The following TPM3 variants were observed in gnomAD, a reference collection of about 807,000 sequenced individuals.
TPM3 encodes tropomyosin alpha-3 chain.
A neutral mutation model predicts 43.1 loss-of-function variants in TPM3; 16 were observed. That is an observed-to-expected ratio of 0.37 (90% CI 0.25 to 0.56). The LOEUF is 0.56. TPM3 is among the 20% of genes least tolerant of loss of function. TPM3 has a pLI of 0.77. For synonymous variants in TPM3, 101 were observed against 116.9 expected (o/e 0.86, Z 0.88); for missense variants, 176 against 337.2 (o/e 0.52, Z 3.74).
At chr1:154,175,329 T>TGA (rs1662177606) in intron 3 of TPM3, among the ~76,000 whole-genome samples, 1 of 39,422 alleles carries the variant, frequency 2.5e-5, no homozygotes, top group African/African-American at 1.8e-4. Flanking sequence ...AGACTCTGTC[T>TGA]CAAAAAAAAA....
rs1660784126 is a variant in TPM3 at position 154,164,984 on chromosome 1, CATTTTAAG to C, written c.*2945_*2952del. On this transcript the variant is annotated 3_prime_UTR_variant, in exon 10 of 10. Coordinates refer to ENST00000651641, the MANE Select transcript of TPM3 (RefSeq NM_152263.4). ...AAGTAAAATTATAACTCCTCAGCCT[CATTTTAAG>C]ACACAACCTGTTCCCTACTCTGTCT... Among the ~76,000 whole-genome samples, 1 of 152,234 alleles carries C rather than the reference CATTTTAAG, an allele frequency of 6.6e-6. No homozygotes were observed. Among genetic ancestry groups the C allele is most frequent in the Non-Finnish European group, 1.5e-5 (1 of 68,028 alleles).
At chr1:154,189,319 C>A (rs867222194) in intron 2 of TPM3, among the ~76,000 whole-genome samples, 1 of 143,146 alleles carries the variant, frequency 7.0e-6, no homozygotes, top group African/African-American at 2.6e-5. Context: ...CCCATCTTTA[C>A]TAAAAAAAAA....
chr1:154,190,190 C>T (rs1663621583), intron 2 of TPM3, among the ~76,000 whole-genome samples: 1 of 152,200 alleles, frequency 6.6e-6, no homozygotes, highest in Non-Finnish European at 1.5e-5. Flanking sequence ...GATCCACCCG[C>T]CTCGGCCTTC....
At chr1:154,169,462 AT>A in intron 8 of TPM3, 79 bp from the exon 9 acceptor site, 1 of 1,431,930 alleles carries the variant, frequency 7.0e-7, no homozygotes, top group Non-Finnish European at 9.8e-7. Context: ...AGAGGGAATC[AT>A]TAGAAATTAG....
At chr1:154,187,308 C>G in intron 2 of TPM3, 2 of 984,508 alleles carry the variant, frequency 2.0e-6, no homozygotes, top group Non-Finnish European at 2.4e-6. Context: ...CAAGATTTAA[C>G]CCACAGGTGG....
chr1:154,182,360 C>A (rs1663053075), intron 2 of TPM3, among the ~76,000 whole-genome samples: 1 of 152,154 alleles, frequency 6.6e-6, no homozygotes. Flanking sequence ...GGAAAGGGCC[C>A]CTGGCCAGAG....
chr1:154,189,008 T>C (rs907328220), intron 2 of TPM3, among the ~76,000 whole-genome samples: 13 of 151,434 alleles, frequency 8.6e-5, no homozygotes, highest in Admixed American at 8.6e-4. Flanking sequence ...GGCAGCTGCC[T>C]GTAATCCCAG....
chr1:154,174,785 C>T (rs935701775), intron 3 of TPM3, among the ~76,000 whole-genome samples: 4 of 151,548 alleles, frequency 2.6e-5, no homozygotes, highest in African/African-American at 7.2e-5. Context: ...TGAGCCACTG[C>T]GCCCGGCCCT....
chr1:154,168,896 C>T (rs1661278079), intron 9 of TPM3, among the ~76,000 whole-genome samples: 1 of 150,086 alleles, frequency 6.7e-6, no homozygotes, highest in Non-Finnish European at 1.5e-5. Flanking sequence ...AATGCAGTGG[C>T]ACATCTTGGC....
intron 3 of TPM3, among the ~76,000 whole-genome samples, chr1:154,175,379 A>G (rs1041160100): frequency 3.9e-5 from 6 of 151,946 alleles, no homozygotes; most frequent in African/African-American, 1.5e-4. Flanking sequence ...AAAAACATCA[A>G]TGCCCAGACC....
chr1:154,169,303 AC>A lies in TPM3; in HGVS notation c.854+1del. On this transcript the variant is annotated splice_donor_variant, in intron 9 of 9. Coordinates refer to ENST00000651641, the MANE Select transcript of TPM3 (RefSeq NM_152263.4). LOFTEE classifies it high-confidence loss of function. ...AGCCCCACTCTACTGTCAGATAGTT[AC>A]ATAGAGGTCATGTCATTGAGGGCGT... is the stretch of plus-strand genomic sequence containing the variant. 5.6e-6 allele frequency: 9 copies of A among 1,614,176 alleles called. No homozygotes were observed. Among genetic ancestry groups the A allele is most frequent in the Non-Finnish European group, 7.6e-6 (9 of 1,180,010 alleles).
At chr1:154,174,493 C>T (rs1285372688) in intron 3 of TPM3, among the ~76,000 whole-genome samples, 3 of 143,752 alleles carry the variant, frequency 2.1e-5, no homozygotes, top group South Asian at 2.2e-4. Flanking sequence ...TTTTTTTTCC[C>T]CCCGGTATTC....
intron 2 of TPM3, among the ~76,000 whole-genome samples, chr1:154,179,066 T>C (rs933038171): frequency 1.3e-5 from 2 of 152,256 alleles, no homozygotes; most frequent in African/African-American, 4.8e-5. Flanking sequence ...TCTGGCTTTC[T>C]GCCACACTGG....
chr1:154,187,343 G>C lies in TPM3; in HGVS notation c.243+3843C>G, dbSNP rs1237915018. Reference sequence around the variant, plus strand: ...GTAGTTTGCTGACTCTAGCTTTGAGGAAAGAAACCTTTCTTCTTGCTTGCT... The same window carrying C: ...GTAGTTTGCTGACTCTAGCTTTGAGCAAAGAAACCTTTCTTCTTGCTTGCT... On this transcript the variant is annotated intron_variant, in intron 2 of 9. Coordinates refer to ENST00000651641, the MANE Select transcript of TPM3 (RefSeq NM_152263.4). 1.1e-5 allele frequency: 11 copies of C among 984,624 alleles called. 1 individual carries two copies. The African/African-American group carries it at 1.9e-4, about 17-fold the overall frequency. 61.0% of individuals were successfully genotyped at this position (984,624 alleles called of 1,614,324 possible). A position where few individuals can be genotyped will look rare whatever the true frequency, so the allele number is the denominator to read the frequency against.
At chr1:154,179,533 CT>C (rs551997569) in intron 2 of TPM3, among the ~76,000 whole-genome samples, 12 of 150,416 alleles carry the variant, frequency 8.0e-5, no homozygotes, top group Admixed American at 3.3e-4. Flanking sequence ...TTTGTTATTA[CT>C]TTTTTTTTTC....
chr1:154,180,304 CAG>C (rs758957029), intron 2 of TPM3, among the ~76,000 whole-genome samples: 2 of 152,206 alleles, frequency 1.3e-5, no homozygotes, highest in African/African-American at 2.4e-5. Context: ...GAGATACCAT[CAG>C]AGAGTGCAGT....
At chr1:154,176,978 CAA>C (rs60774056) in intron 2 of TPM3, among the ~76,000 whole-genome samples, 26 of 55,830 alleles carry the variant, frequency 4.7e-4, no homozygotes, top group South Asian at 1.7e-3. Context: ...AACTCCATTT[CAA>C]AAAAAAAAAA....
At chr1:154,190,311 A>G (rs1663626245) in intron 2 of TPM3, among the ~76,000 whole-genome samples, 1 of 152,188 alleles carries the variant, frequency 6.6e-6, no homozygotes, top group South Asian at 2.1e-4. Flanking sequence ...ACTTGTTTCC[A>G]CCAATACTGG....
chr1:154,183,306 G>C lies in TPM3; in HGVS notation c.244-7058C>G, dbSNP rs569810860. The C allele has an allele frequency of 1.2e-5, 18 of 1,485,606 alleles. No homozygotes were observed. The South Asian group carries it at 2.4e-4, about 19-fold the overall frequency. 92.0% of individuals were successfully genotyped at this position (1,485,606 alleles called of 1,614,324 possible). A position where few individuals can be genotyped will look rare whatever the true frequency, so the allele number is the denominator to read the frequency against. On this transcript the variant is annotated intron_variant, in intron 2 of 9. Coordinates refer to ENST00000651641, the MANE Select transcript of TPM3 (RefSeq NM_152263.4). ...AGGCGGGAAGGCAGTCCACTGGAGG[G>C]AGAGCCGCGGCAGGGAGTGGATCCT...
Sources: allele counts gnomAD v4.1 joint callset (sites outside exome capture counted in the v4.1 genomes callset), GRCh38; gene constraint gnomAD v4.1.1; transcripts MANE v1.5; gene names NCBI Gene and HGNC (gene_info 2026-07-23, HGNC 2026-07-21).